Variants in TBC1D2 observed in about 807,000 individuals in gnomAD.
TBC1D2 encodes TBC1 domain family member 2, also known as TBC1 domain family member 2A.
A neutral mutation model predicts 91.1 loss-of-function variants in TBC1D2; 58 were observed. That is an observed-to-expected ratio of 0.64 (90% CI 0.52 to 0.79). The LOEUF (loss-of-function observed/expected upper bound fraction) is 0.79, where lower values mean the gene tolerates loss of function less well. Ranked by LOEUF, TBC1D2 falls within the 30% of genes least tolerant of loss-of-function variation. TBC1D2 has a pLI of 0.00. For missense variants in TBC1D2, 1,080 were observed against 1,208.3 expected (o/e 0.89, Z 1.57); for synonymous variants, 482 against 511.5 (o/e 0.94, Z 0.78).
At chr9:98,219,626 C>T (rs1408820132) in intron 6 of TBC1D2, among the ~76,000 whole-genome samples, 5 of 152,188 alleles carry the variant, frequency 3.3e-5, no homozygotes, top group Non-Finnish European at 5.9e-5. Context: ...GACCTGTGCA[C>T]CTGTTACGGT....
intron 10 of TBC1D2, 131 bp downstream of exon 10, chr9:98,203,157 C>T (rs1483160951): frequency 3.6e-6 from 5 of 1,370,356 alleles, no homozygotes; most frequent in South Asian, 2.8e-5. Context: ...CAGCCAAATG[C>T]ACTCCCACAG....
rs138519522 is a variant in TBC1D2, at chr9:98,209,090, C to T, written c.1728G>A (p.Leu576=). 18 of 1,614,170 alleles carry T rather than the reference C, an allele frequency of 1.1e-5. No homozygotes were observed. In the African/African-American group the frequency reaches 2.1e-4, roughly 19 times the overall value. Residue 576 remains leucine (L), a synonymous_variant, in exon 9 of 13, where the codon CTG becomes CTA. Transcript: ENST00000465784. The part of the protein sequence containing the change: ...LTVPDYEVED[L]KLLAKIQALE... Reference sequence around the variant, plus strand: ...ATGCCTGGATCTTGGCCAGCAGCTTCAGGTCTTCCACCTCATAGTCGGGCA... The same window carrying T: ...ATGCCTGGATCTTGGCCAGCAGCTTTAGGTCTTCCACCTCATAGTCGGGCA...
At chr9:98,235,373 G>A (rs1829478766) in intron 3 of TBC1D2, 3 of 456,016 alleles carry the variant, frequency 6.6e-6, no homozygotes, top group Non-Finnish European at 1.3e-5. Flanking sequence ...ACAGTTACAA[G>A]GAATTCCAGT....
chr9:98,209,194 A>G (rs1199212535), intron 8 of TBC1D2, 50 bp from the exon 9 acceptor site: 1 of 1,558,408 alleles, frequency 6.4e-7, no homozygotes, highest in African/African-American at 1.4e-5. Context: ...CCTTCCCTAG[A>G]TAAGGGGTGG....
At chr9:98,252,257 T>C (rs558942654) in intron 1 of TBC1D2, among the ~76,000 whole-genome samples, 3 of 152,288 alleles carry the variant, frequency 2.0e-5, no homozygotes, top group African/African-American at 7.2e-5. Context: ...ATGTGCTCAC[T>C]GGATAGAGGA....
chr9:98,255,560 G>C lies in TBC1D2; in HGVS notation c.-19C>G. ...CCTCCATCGCTGCCAGCCGGAGACTGCGGAGGGACGAGGGGTCCGCGGGAC... is the reference window on the plus strand; with the variant it reads ...CCTCCATCGCTGCCAGCCGGAGACTCCGGAGGGACGAGGGGTCCGCGGGAC... On this transcript the variant is annotated 5_prime_UTR_variant, in exon 1 of 13. Coordinates refer to ENST00000465784, the MANE Select transcript of TBC1D2 (RefSeq NM_001267571.2). 6.7e-7 allele frequency: 1 copy of C among 1,493,598 alleles called. No homozygotes were observed. The highest frequency in any genetic ancestry group is 8.9e-7 in the Non-Finnish European group (1 of 1,125,014). The allele number at this position is 1,493,598 out of a possible 1,614,324, so 92.5% of individuals were successfully genotyped here. A position where few individuals can be genotyped will look rare whatever the true frequency, so the allele number is the denominator to read the frequency against.
At position 98,199,594 on chromosome 9, in the gene TBC1D2, A is replaced by C. The variant is rs1277060700; in HGVS notation, c.2580-6T>G. The C allele has an allele frequency of 1.9e-6, 3 of 1,613,850 alleles. No individual in the cohort carries two copies. The highest frequency in any genetic ancestry group is 1.7e-5 in the Admixed American group (1 of 60,022). On this transcript the variant is annotated splice_polypyrimidine_tract_variant and splice_region_variant and intron_variant, in intron 12 of 12. Coordinates refer to ENST00000465784, the MANE Select transcript of TBC1D2 (RefSeq NM_001267571.2). ...AGGCGATGTTCATCAGCTTCCTGGGAGGAGGGCACAATCAGCCCAGAGCAC... is the reference window on the plus strand; with the variant it reads ...AGGCGATGTTCATCAGCTTCCTGGGCGGAGGGCACAATCAGCCCAGAGCAC...
intron 5 of TBC1D2, among the ~76,000 whole-genome samples, chr9:98,222,835 TG>T (rs1829132847): frequency 6.6e-6 from 1 of 152,232 alleles, no homozygotes; most frequent in Admixed American, 6.5e-5. Context: ...AATTCTATAT[TG>T]GAGGAAAACT....
intron 4 of TBC1D2, among the ~76,000 whole-genome samples, chr9:98,233,156 C>G (rs1191338227): frequency 2.0e-5 from 3 of 152,244 alleles, no homozygotes; most frequent in African/African-American, 4.8e-5. Context: ...GGCCATCTAT[C>G]TGCAAGCCAG....
At position 98,255,521 on chromosome 9, in the gene TBC1D2, G is replaced by A. The variant is rs990145695; in HGVS notation, c.21C>T (p.Asn7=). The stretch of plus-strand genomic sequence containing the variant: ...GGGCAGAGGAGCTGGACTCCGGGGC[G>A]TTCTCCCCAGCGCCCTCCATCGCTG... The part of the protein sequence containing the change: MEGAGE[N]APESSSSAPG... Residue 7 remains asparagine, a synonymous_variant, in exon 1 of 13, where the codon AAC becomes AAT. Coordinates refer to ENST00000465784, the MANE Select transcript of TBC1D2 (RefSeq NM_001267571.2). 1 of 1,533,280 alleles carries A rather than the reference G, an allele frequency of 6.5e-7. No homozygotes were observed. The highest frequency in any genetic ancestry group is 1.3e-5 in the South Asian group (1 of 78,590). 95.0% of individuals were successfully genotyped at this position (1,533,280 alleles called of 1,614,324 possible).
chr9:98,211,283 C>T (rs980893480), intron 7 of TBC1D2, among the ~76,000 whole-genome samples: 2 of 152,194 alleles, frequency 1.3e-5, no homozygotes, highest in Non-Finnish European at 2.9e-5. Context: ...CCCAGGGTGC[C>T]TGGCACAGAG....
intron 5 of TBC1D2, among the ~76,000 whole-genome samples, chr9:98,222,722 GCTT>G: frequency 6.6e-6 from 1 of 152,352 alleles, no homozygotes; most frequent in East Asian, 1.9e-4. Context: ...CCTGCTCTGT[GCTT>G]CTCATTTGGA....
chr9:98,200,335 C>G lies in TBC1D2; in HGVS notation c.2497G>C (p.Glu833Gln). 1 of 1,611,266 alleles carries G rather than the reference C, an allele frequency of 6.2e-7. No individual in the cohort carries two copies. The highest frequency in any genetic ancestry group is 1.1e-5 in the South Asian group (1 of 90,904). ...TTCTGTAGCCTCAAGATCTCCTTCTCGTTGTACTTGAAAATGGCCAAGGCA... is the reference window on the plus strand; with the variant it reads ...TTCTGTAGCCTCAAGATCTCCTTCTGGTTGTACTTGAAAATGGCCAAGGCA... ...RYALAIFKYN[E>Q]KEILRLQNGL... is the part of the protein sequence containing the mutation. Residue 833 changes from glutamate (E) to glutamine (Q), a missense_variant, in exon 12 of 13, where the codon GAG becomes CAG. Transcript: ENST00000465784.
chr9:98,228,832 A>G lies in TBC1D2; in HGVS notation c.978+120T>C. 3.1e-6 allele frequency: 3 copies of G among 975,234 alleles called. No individual in the cohort carries two copies. In the Admixed American group the frequency reaches 7.1e-5, roughly 23 times the overall value. The allele number at this position is 975,234 out of a possible 1,614,324, so 60.4% of individuals were successfully genotyped here. On this transcript the variant is annotated intron_variant, in intron 5 of 12. Transcript: ENST00000465784. The surrounding 1 kb of genome is among the most constrained non-coding windows in gnomAD (Gnocchi z 4.0). ...TTCAACATTCTGCAGTTTGGCCTTT[A>G]AAGACCAGAGAGTAGCTGGTGCCCA... is the stretch of plus-strand genomic sequence containing the variant.
At chr9:98,201,062 T>C (rs1470727678) in intron 11 of TBC1D2, among the ~76,000 whole-genome samples, 1 of 151,646 alleles carries the variant, frequency 6.6e-6, no homozygotes, top group African/African-American at 2.4e-5. Context: ...TGTGGGTGCT[T>C]TGTAAACTGA....
At position 98,208,943 on chromosome 9, in the gene TBC1D2, T is replaced by G; in HGVS notation, c.1875A>C (p.Gly625=). The G allele has an allele frequency of 6.2e-7, 1 of 1,614,088 alleles. No individual in the cohort carries two copies. The highest frequency in any genetic ancestry group is 8.5e-7 in the Non-Finnish European group (1 of 1,180,004). The change falls in exon 9 of 13, where the codon GGA becomes GGC. Residue 625 remains glycine (G), a synonymous_variant. Transcript: ENST00000465784. Reference sequence around the variant, plus strand: ...CACGAGGCCGGTGTTCACGGGGTACTCCTGCCCGCAGTAGCTGCTTGAGCT... The same window carrying G: ...CACGAGGCCGGTGTTCACGGGGTACGCCTGCCCGCAGTAGCTGCTTGAGCT... ...SAELKQLLRA[G]VPREHRPRVW...
At chr9:98,223,055 G>A (rs1029431258) in intron 5 of TBC1D2, among the ~76,000 whole-genome samples, 3 of 152,220 alleles carry the variant, frequency 2.0e-5, no homozygotes, top group Admixed American at 6.5e-5. Flanking sequence ...AGTGGTGAGA[G>A]TTCCCACCTC....
chr9:98,231,279 C>CTTTTTTTTTTTTT (rs35195996), intron 4 of TBC1D2, among the ~76,000 whole-genome samples: 1 of 76,716 alleles, frequency 1.3e-5, no homozygotes, highest in African/African-American at 5.5e-5. Context: ...CTCAACTCTG[C>CTTTTTTTTTTTTT]TTTTTTTTTT....
chr9:98,209,113 G>A lies in TBC1D2; in HGVS notation c.1705C>T (p.Pro569Ser). The change falls in exon 9 of 13, where the codon CCC becomes TCC. Residue 569 changes from proline to serine, a missense_variant. Physicochemically the swap from Pro to Ser is moderately conservative, Grantham distance 74. Transcript: ENST00000465784. ...KYDEYGFLTV[P>S]DYEVEDLKLL... ...TTCAGGTCTTCCACCTCATAGTCGG[G>A]CACCGTCAGGAAGCCGTACTCATCA... 6.2e-7 allele frequency: 1 copy of A among 1,613,958 alleles called. No homozygotes were observed. The highest frequency in any genetic ancestry group is 1.1e-5 in the South Asian group (1 of 91,074).
Sources: gnomAD v4.1 joint callset for allele counts (sites outside exome capture counted in the v4.1 genomes callset) on GRCh38, gnomAD v4.1.1 for gene constraint, Gnocchi (gnomAD v3.1) non-coding constraint, MANE v1.5 for transcripts, NCBI Gene and HGNC (gene_info 2026-07-23, HGNC 2026-07-21) for gene names.